The following SCN2A variants were observed in gnomAD, a reference collection of about 807,000 sequenced individuals.
SCN2A encodes the protein sodium channel protein type 2 subunit alpha.
A neutral mutation model predicts 188.7 loss-of-function variants in SCN2A; 20 were observed. That is an observed-to-expected ratio of 0.11 (90% CI 0.07 to 0.15). SCN2A has a LOEUF of 0.15. Among genes scored for constraint, SCN2A ranks in the 10% least tolerant of loss-of-function variants. The pLI is 1.00. For synonymous variants in SCN2A, 804 were observed against 833.1 expected, an observed-to-expected ratio of 0.97 and a Z score of 0.60; for missense variants, 1,278 against 2,445.0, an observed-to-expected ratio of 0.52 and a Z score of 10.07.
intron 1 of SCN2A, among the ~76,000 whole-genome samples, chr2:165,259,931 A>ATTTTTTTTTTTT (rs140137535): frequency 1.1e-5 from 1 of 89,494 alleles, no homozygotes; most frequent in African/African-American, 4.6e-5. Context: ...CTAAAAATGG[A>ATTTTTTTTTTTT]TTTTTTTTTT....
intron 1 of SCN2A, among the ~76,000 whole-genome samples, chr2:165,255,582 A>G (rs1053347382): frequency 3.9e-5 from 6 of 152,130 alleles, no homozygotes; most frequent in Non-Finnish European, 4.4e-5. Flanking sequence ...AATTATTAAA[A>G]TATGGCTCTA....
intron 26 of SCN2A, among the ~76,000 whole-genome samples, chr2:165,388,368 G>A (rs1160248186): frequency 6.6e-6 from 1 of 152,094 alleles, no homozygotes; most frequent in African/African-American, 2.4e-5. Flanking sequence ...GGACCTTCCA[G>A]GGTTGAGTCA....
At position 165,315,426 on chromosome 2, in the gene SCN2A, T is replaced by C. The variant is rs1419997990; in HGVS notation, c.1384-45T>C. On this transcript the variant is annotated intron_variant, in intron 10 of 26. Transcript: ENST00000375437. Reference sequence around the variant, plus strand: ...AATTAAGCAGTAACATGATAATTACTTTTTAAGTTTATATGCAACTTCCAC... The same window carrying C: ...AATTAAGCAGTAACATGATAATTACCTTTTAAGTTTATATGCAACTTCCAC... 1.9e-6 allele frequency: 3 copies of C among 1,611,442 alleles called. No individual in the cohort carries two copies. In the African/African-American group the frequency reaches 4.0e-5, roughly 22 times the overall value.
In SCN2A at chr2:165,350,216, A is replaced by G. The variant is rs545151405; in HGVS notation, c.2920-3976A>G. 2.6e-5 allele frequency among the ~76,000 whole-genome samples: 4 copies of G among 152,326 alleles called. No individual in the cohort carries two copies. The East Asian group carries it at 7.7e-4, about 29-fold the overall frequency. On this transcript the variant is annotated intron_variant, in intron 16 of 26. Coordinates refer to ENST00000375437, the MANE Select transcript of SCN2A (RefSeq NM_001040142.2). ...CTCTCTCCCTAAGTGAAGGTGAGGC[A>G]ATAGCACACAGGAGGGATGTGAAGG...
chr2:165,367,410 A>G, intron 19 of SCN2A, 39 bp downstream of exon 19: 1 of 1,609,332 alleles, frequency 6.2e-7, no homozygotes, highest in Non-Finnish European at 8.5e-7. Context: ...CTTTCATCTG[A>G]AATCTTTTCC....
At chr2:165,243,851 A>G in intron 1 of SCN2A, 1 of 152,186 alleles carries the variant, frequency 6.6e-6, no homozygotes, top group African/African-American at 2.4e-5. Context: ...TTTTGCTGAT[A>G]ATAATGAATA....
intron 1 of SCN2A, among the ~76,000 whole-genome samples, chr2:165,249,967 T>C (rs1694014733): frequency 6.6e-6 from 1 of 152,014 alleles, no homozygotes; most frequent in Non-Finnish European, 1.5e-5. Flanking sequence ...ATATAAACTT[T>C]TGTCCTAATC....
Position 165,391,518 on chromosome 2 carries a change from G to A in SCN2A, c.*1694G>A, listed in dbSNP as rs1012411518. ...ATTGAAGCACTTCACAAAATAAGAA[G>A]CAAGGACTAGGATGCAGTGTAGGTT... On this transcript the variant is annotated 3_prime_UTR_variant, in exon 27 of 27. Transcript: ENST00000375437. 2 of 152,476 alleles carry A rather than the reference G, an allele frequency of 1.3e-5. No individual in the cohort carries two copies. The highest frequency in any genetic ancestry group is 4.8e-5 in the African/African-American group (2 of 41,428). The allele number at this position is 152,476 out of a possible 1,614,324, so 9.4% of individuals were successfully genotyped here.
At chr2:165,352,181 TTGTC>T (rs1699954970) in intron 16 of SCN2A, among the ~76,000 whole-genome samples, 1 of 152,216 alleles carries the variant, frequency 6.6e-6, no homozygotes, top group East Asian at 1.9e-4. Flanking sequence ...TTTTCTTCCT[TTGTC>T]TGTTTTTTTA....
chr2:165,388,592 T>G, intron 26 of SCN2A, 37 bp from the exon 27 acceptor site: 2 of 1,612,110 alleles, frequency 1.2e-6, no homozygotes. Flanking sequence ...TACTATTAAG[T>G]ATAACAATAT....
At chr2:165,287,236 T>G (rs1401782012) in intron 1 of SCN2A, among the ~76,000 whole-genome samples, 3 of 152,220 alleles carry the variant, frequency 2.0e-5, no homozygotes, top group Non-Finnish European at 4.4e-5. Context: ...TATGGCCTGG[T>G]TACGGCGTTT....
intron 25 of SCN2A, among the ~76,000 whole-genome samples, chr2:165,385,810 TAA>T (rs1364258144): frequency 6.6e-6 from 1 of 152,214 alleles, no homozygotes; most frequent in South Asian, 2.1e-4. Context: ...ACGAAAAATT[TAA>T]AAAGAGAGAG....
chr2:165,354,263 T>C lies in SCN2A; in HGVS notation c.2991T>C (p.Asp997=). Reference sequence around the variant, plus strand: ...ACAATCTTGCTGCCACTGATGATGATAACGAAATGAATAATCTCCAGATTG... The same window carrying C: ...ACAATCTTGCTGCCACTGATGATGACAACGAAATGAATAATCTCCAGATTG... The part of the protein sequence containing the change: ...SSDNLAATDD[D]NEMNNLQIAV... The change falls in exon 17 of 27, where the codon GAT becomes GAC. Residue 997 remains aspartate, a synonymous_variant. Coordinates refer to ENST00000375437, the MANE Select transcript of SCN2A (RefSeq NM_001040142.2). 4.3e-6 allele frequency: 7 copies of C among 1,614,110 alleles called. No homozygotes were observed. Among genetic ancestry groups the C allele is most frequent in the East Asian group, 2.2e-5 (1 of 44,850 alleles).
chr2:165,276,971 G>C (rs888993354), intron 1 of SCN2A, among the ~76,000 whole-genome samples: 5 of 152,014 alleles, frequency 3.3e-5, no homozygotes, highest in African/African-American at 1.2e-4. Context: ...GTCAGGAGAT[G>C]GAGACCATCC....
At chr2:165,316,450 A>G (rs1306621567) in intron 11 of SCN2A, among the ~76,000 whole-genome samples, 1 of 152,222 alleles carries the variant, frequency 6.6e-6, no homozygotes, top group East Asian at 1.9e-4. Flanking sequence ...AAATTTTAAA[A>G]TTTAGAATCT....
chr2:165,321,127 A>G (rs1698056655), intron 11 of SCN2A, among the ~76,000 whole-genome samples: 1 of 152,154 alleles, frequency 6.6e-6, no homozygotes, highest in Non-Finnish European at 1.5e-5. Flanking sequence ...CATCTCTCCC[A>G]AGTTCAAAGT....
intron 22 of SCN2A, 44 bp downstream of exon 22, chr2:165,375,010 G>T (rs774239032): frequency 1.9e-6 from 3 of 1,560,054 alleles, no homozygotes; most frequent in East Asian, 4.5e-5. Context: ...TAATTAAAAT[G>T]AGTCTAAAGT....
chr2:165,374,619 T>C lies in SCN2A; in HGVS notation c.3973-66T>C, dbSNP rs1701216362. 1.8e-5 allele frequency: 27 copies of C among 1,531,726 alleles called. No homozygotes were observed. In the South Asian group the frequency reaches 2.8e-4, roughly 16 times the overall value. The allele number at this position is 1,531,726 out of a possible 1,614,324, so 94.9% of individuals were successfully genotyped here. A position where few individuals can be genotyped will look rare whatever the true frequency, so the allele number is the denominator to read the frequency against. ...AATCATTTGACTGTTCTTTTAATAA[T>C]GTTTAAAAATAAGTAAATATTTGTT... On this transcript the variant is annotated intron_variant, in intron 21 of 26. Coordinates refer to ENST00000375437, the MANE Select transcript of SCN2A (RefSeq NM_001040142.2).
At chr2:165,278,617 G>A (rs353109) in intron 1 of SCN2A, among the ~76,000 whole-genome samples, 146,259 of 152,220 alleles carry the variant, frequency 0.96, 70,518 homozygotes, top group East Asian at 1. Context: ...TAATCCTATC[G>A]TGGGGGTTGG....
Sources: gnomAD v4.1 joint callset for allele counts (sites outside exome capture counted in the v4.1 genomes callset) on GRCh38, gnomAD v4.1.1 for gene constraint, MANE v1.5 for transcripts, NCBI Gene and HGNC (gene_info 2026-07-23, HGNC 2026-07-21) for gene names.